The following TAFA1 variants were observed in gnomAD, a reference collection of about 807,000 sequenced individuals.
TAFA1 encodes the protein TAFA chemokine like family member 1.
TAFA1 carries 4 observed loss-of-function variants against 18.5 expected under a neutral mutation model. The ratio of observed to expected loss-of-function variants is 0.22; its 90% confidence interval spans 0.11 to 0.49. TAFA1 has a LOEUF of 0.49. Among genes scored for constraint, TAFA1 ranks in the 20% least tolerant of loss-of-function variants. The pLI, the probability that TAFA1 is intolerant of heterozygous loss-of-function variation, is 0.98. For synonymous variants in TAFA1, 56 were observed against 55.2 expected, an observed-to-expected ratio of 1.01 and a Z score of -0.06; for missense variants, 147 against 169.0, an observed-to-expected ratio of 0.87 and a Z score of 0.72.
intron 2 of TAFA1, among the ~76,000 whole-genome samples, chr3:68,075,903 C>G (rs1422602513): frequency 1.3e-5 from 2 of 152,054 alleles, no homozygotes; most frequent in African/African-American, 2.4e-5. Flanking sequence ...CACCATGTTT[C>G]CCAGGCTGGT....
rs902152598 is a variant in TAFA1, at chr3:68,117,664, C to T, written c.118+110920C>T. ...GGGTTAGGTGATGTTTATAGTTGAT[C>T]GTAATTATATTGCTTTATAAATAGG... On this transcript the variant is annotated intron_variant, in intron 2 of 4. Coordinates refer to ENST00000478136, the MANE Select transcript of TAFA1 (RefSeq NM_213609.4). 3.9e-5 allele frequency among the ~76,000 whole-genome samples: 6 copies of T among 151,992 alleles called. No homozygotes were observed. The East Asian group carries it at 1.2e-3, about 29-fold the overall frequency.
At chr3:68,478,514 C>A (rs553820432) in intron 3 of TAFA1, among the ~76,000 whole-genome samples, 2 of 152,252 alleles carry the variant, frequency 1.3e-5, no homozygotes, top group Admixed American at 6.5e-5. Context: ...CCATAAGAAG[C>A]TAAAAGTTGA....
intron 3 of TAFA1, among the ~76,000 whole-genome samples, chr3:68,424,701 A>G (rs1044074414): frequency 5.3e-5 from 8 of 151,656 alleles, no homozygotes; most frequent in Non-Finnish European, 8.8e-5. Flanking sequence ...ATAGGATAAC[A>G]TGAGATATAT....
intron 2 of TAFA1, among the ~76,000 whole-genome samples, chr3:68,346,390 T>G (rs1186886598): frequency 2.0e-5 from 3 of 152,140 alleles, no homozygotes; most frequent in African/African-American, 7.2e-5. Context: ...ACTCCTGGGC[T>G]CACGCAATCC....
chr3:68,223,230 C>A (rs774447239), intron 2 of TAFA1, among the ~76,000 whole-genome samples: 1 of 152,136 alleles, frequency 6.6e-6, no homozygotes, highest in Non-Finnish European at 1.5e-5. Flanking sequence ...AGGTTGAGAT[C>A]GCTTATTAAA....
intron 2 of TAFA1, among the ~76,000 whole-genome samples, chr3:68,379,788 T>C (rs923191855): frequency 6.6e-6 from 1 of 151,978 alleles, no homozygotes; most frequent in Non-Finnish European, 1.5e-5. Flanking sequence ...TATTATACTT[T>C]AAGTTTTAGG....
intron 2 of TAFA1, among the ~76,000 whole-genome samples, chr3:68,416,861 T>C (rs2106795792): frequency 6.6e-6 from 1 of 152,296 alleles, no homozygotes; most frequent in Non-Finnish European, 1.5e-5. Flanking sequence ...TTCTGGGCAG[T>C]TTTTCTGGCA....
At chr3:68,392,176 C>CAAAAA (rs57440480) in intron 2 of TAFA1, among the ~76,000 whole-genome samples, 5 of 109,312 alleles carry the variant, frequency 4.6e-5, no homozygotes, top group East Asian at 3.2e-4. Flanking sequence ...TTTAGGAAAG[C>CAAAAA]AAAAAAAAAA....
At chr3:68,366,082 T>G (rs2069565983) in intron 2 of TAFA1, among the ~76,000 whole-genome samples, 1 of 88,446 alleles carries the variant, frequency 1.1e-5, no homozygotes, top group African/African-American at 4.8e-5. Context: ...CGAGACTCCA[T>G]CTCAAAAAAA....
At chr3:68,248,123 C>A (rs2067119379) in intron 2 of TAFA1, among the ~76,000 whole-genome samples, 1 of 152,152 alleles carries the variant, frequency 6.6e-6, no homozygotes, top group Admixed American at 6.5e-5. Context: ...TGATTGTGAG[C>A]CTTCTGTACA....
intron 2 of TAFA1, among the ~76,000 whole-genome samples, chr3:68,336,338 GC>G (rs2068968906): frequency 6.6e-6 from 1 of 152,114 alleles, no homozygotes; most frequent in South Asian, 2.1e-4. Context: ...TAATTTTCAT[GC>G]TTTTGGGATC....
intron 2 of TAFA1, among the ~76,000 whole-genome samples, chr3:68,384,241 TG>T (rs1397572040): frequency 6.6e-6 from 1 of 152,100 alleles, no homozygotes; most frequent in Non-Finnish European, 1.5e-5. Context: ...GGTTTGCTCT[TG>T]GTTTCCTACT....
At chr3:68,306,725 T>C (rs1421224543) in intron 2 of TAFA1, among the ~76,000 whole-genome samples, 3 of 152,108 alleles carry the variant, frequency 2.0e-5, no homozygotes, top group African/African-American at 4.8e-5. Flanking sequence ...GACTGAGATG[T>C]GGTCTCCTGT....
chr3:68,469,400 C>A (rs1007958914), intron 3 of TAFA1, among the ~76,000 whole-genome samples: 1 of 152,070 alleles, frequency 6.6e-6, no homozygotes, highest in African/African-American at 2.4e-5. Flanking sequence ...GAGGGCCGGG[C>A]GCAGTGGCTC....
intron 2 of TAFA1, among the ~76,000 whole-genome samples, chr3:68,010,344 G>A (rs137990802): frequency 1.0e-3 from 152 of 152,258 alleles, no homozygotes; most frequent in Admixed American, 3.5e-3. Context: ...TACATTGACA[G>A]GTGAGTGGAA....
At chr3:68,138,689 T>C (rs1559534522) in intron 2 of TAFA1, among the ~76,000 whole-genome samples, 2 of 152,202 alleles carry the variant, frequency 1.3e-5, no homozygotes, top group Non-Finnish European at 2.9e-5. Context: ...ATGTATAAGA[T>C]GGAAACTCCG....
At chr3:67,995,929 A>G in the TAFA1 span, among the ~76,000 whole-genome samples, 1 of 152,222 alleles carries the variant, frequency 6.6e-6, no homozygotes, top group Non-Finnish European at 1.5e-5. Context: ...ATGAGAAGTG[A>G]CTGTGTATTC....
intron 2 of TAFA1, among the ~76,000 whole-genome samples, chr3:68,360,769 G>A (rs960946406): frequency 3.9e-5 from 6 of 151,926 alleles, no homozygotes; most frequent in Non-Finnish European, 7.4e-5. Context: ...ATTTTATGCA[G>A]AAACAAAATC....
At chr3:68,335,053 C>A (rs2068948266) in intron 2 of TAFA1, among the ~76,000 whole-genome samples, 1 of 152,166 alleles carries the variant, frequency 6.6e-6, no homozygotes, top group African/African-American at 2.4e-5. Context: ...GGTGATTGTG[C>A]ATGGAGTTTT....
Sources: gnomAD v4.1 joint callset for allele counts (sites outside exome capture counted in the v4.1 genomes callset) on GRCh38, gnomAD v4.1.1 for gene constraint, MANE v1.5 for transcripts, NCBI Gene and HGNC (gene_info 2026-07-23, HGNC 2026-07-21) for gene names.